TSPEAR: variants seen among roughly 807,000 people sequenced by gnomAD.
TSPEAR encodes thrombospondin type laminin G domain and EAR repeats, also known as thrombospondin-type laminin G domain and EAR repeat-containing protein.
A neutral mutation model predicts 71.6 loss-of-function variants in TSPEAR; 69 were observed. That is an observed-to-expected ratio of 0.96 (90% CI 0.79 to 1.18). The LOEUF (loss-of-function observed/expected upper bound fraction) is 1.18, where lower values mean the gene tolerates loss of function less well. Ranked by LOEUF, TSPEAR falls within the 50% of genes most tolerant of loss-of-function variation. The pLI, the probability that TSPEAR is intolerant of heterozygous loss-of-function variation, is 0.00. For synonymous variants in TSPEAR, 402 were observed against 387.2 expected (o/e 1.04, Z -0.45); for missense variants, 971 against 894.9 (o/e 1.09, Z -1.09).
In TSPEAR at chr21:44,527,498, CGTAGTCCA is replaced by C; in HGVS notation, c.935_942del (p.Leu312ArgfsTer17). 3 of 1,614,196 alleles carry C rather than the reference CGTAGTCCA, an allele frequency of 1.9e-6. No individual in the cohort carries two copies. ...GTGGACAAGTTCTGATGCTCCTCCACGTAGTCCAGTCTTTCTTTGGCTTGTGATAGAAA... is the reference window on the plus strand; with the variant it reads ...GTGGACAAGTTCTGATGCTCCTCCACGTCTTTCTTTGGCTTGTGATAGAAA... On this transcript the variant is annotated frameshift_variant, in exon 7 of 12. Coordinates refer to ENST00000323084, the MANE Select transcript of TSPEAR (RefSeq NM_144991.3). LOFTEE classifies it high-confidence loss of function.
intron 1 of TSPEAR, among the ~76,000 whole-genome samples, chr21:44,675,357 A>G (rs117335876): frequency 0.039 from 6,001 of 152,318 alleles, 130 homozygotes; most frequent in Middle Eastern, 0.085. Flanking sequence ...CAGAAAAAGC[A>G]TTTGACAAAA....
chr21:44,698,266 C>G (rs531524858), intron 1 of TSPEAR, among the ~76,000 whole-genome samples: 1 of 152,222 alleles, frequency 6.6e-6, no homozygotes, highest in Non-Finnish European at 1.5e-5. Flanking sequence ...ACACCCTCCA[C>G]GTAGCCCGGC....
At chr21:44,508,795 C>T in intron 10 of TSPEAR, 1 of 1,321,918 alleles carries the variant, frequency 7.6e-7, no homozygotes, top group Non-Finnish European at 1.0e-6. Context: ...GTAATCATGT[C>T]TGGTGGCAGC....
chr21:44,617,102 G>A (rs1003734402), intron 1 of TSPEAR, among the ~76,000 whole-genome samples: 1 of 152,044 alleles, frequency 6.6e-6, no homozygotes, highest in Admixed American at 6.5e-5. Flanking sequence ...ACCCACTCAT[G>A]CCTCCCCCAG....
intron 2 of TSPEAR, among the ~76,000 whole-genome samples, chr21:44,553,234 G>A (rs1358292769): frequency 6.6e-6 from 1 of 152,180 alleles, no homozygotes; most frequent in Non-Finnish European, 1.5e-5. Flanking sequence ...CAGCAGAGAG[G>A]TTGAGCAATC....
chr21:44,587,270 G>T (rs1397538703), intron 1 of TSPEAR, among the ~76,000 whole-genome samples: 2 of 152,078 alleles, frequency 1.3e-5, no homozygotes, highest in African/African-American at 4.8e-5. Flanking sequence ...ATCAAATCAA[G>T]AACTCAATCC....
chr21:44,625,672 C>A (rs781915816), intron 1 of TSPEAR, among the ~76,000 whole-genome samples: 1 of 152,236 alleles, frequency 6.6e-6, no homozygotes. Context: ...TCCTTGCTCC[C>A]CTTCTCCCTG....
In TSPEAR at chr21:44,623,852, G is replaced by A. The variant is rs2146196564; in HGVS notation, c.83-55847C>T. On this transcript the variant is annotated intron_variant, in intron 1 of 11. Transcript: ENST00000323084. This position sits in a 1 kb window ranked among gnomAD's most constrained non-coding sequence, Gnocchi z 4.5. ...CTTGGCTGTTTTTAAATTTTTCTCTGTCTTTGGATTTCAGCCCCAATATGC... is the reference window on the plus strand; with the variant it reads ...CTTGGCTGTTTTTAAATTTTTCTCTATCTTTGGATTTCAGCCCCAATATGC... Among the ~76,000 whole-genome samples, 1 of 151,574 alleles carries A rather than the reference G, an allele frequency of 6.6e-6. No individual in the cohort carries two copies. The highest frequency in any genetic ancestry group is 2.1e-4 in the South Asian group (1 of 4,788).
chr21:44,681,345 C>T (rs1986576416), intron 1 of TSPEAR, among the ~76,000 whole-genome samples: 1 of 152,176 alleles, frequency 6.6e-6, no homozygotes, highest in South Asian at 2.1e-4. Context: ...GAAGCGAGGC[C>T]ACTCCACCAC....
intron 1 of TSPEAR, among the ~76,000 whole-genome samples, chr21:44,625,403 G>A (rs1302688386): frequency 3.9e-5 from 6 of 152,140 alleles, no homozygotes; most frequent in African/African-American, 1.4e-4. Context: ...GACCAGCTGG[G>A]CAACATAGCA....
rs71199612 is a variant in TSPEAR, at chr21:44,572,834, GACACACACACACACACACAC to G, written c.83-4849_83-4830del. Among the ~76,000 whole-genome samples the G allele has an allele frequency of 8.5e-4, 106 of 124,890 alleles. 1 individual carries two copies. The highest frequency in any genetic ancestry group is 2.9e-3 in the East Asian group (12 of 4,130). 81.9% of individuals were successfully genotyped at this position (124,890 alleles called of 152,430 possible). On this transcript the variant is annotated intron_variant, in intron 1 of 11. Transcript: ENST00000323084. ...TATCCTTATAAAAAGGGGAGATTTG[GACACACACACACACACACAC>G]ACACACACACACACACACACACACA...
intron 2 of TSPEAR, among the ~76,000 whole-genome samples, chr21:44,552,010 G>C (rs150005450): frequency 0.021 from 3,253 of 152,346 alleles, 69 homozygotes; most frequent in South Asian, 0.061. Context: ...GCCAAGAGCA[G>C]GAGGACAGGG....
chr21:44,524,599 C>T (rs1387840951), intron 8 of TSPEAR, among the ~76,000 whole-genome samples: 1 of 150,270 alleles, frequency 6.7e-6, no homozygotes, highest in Non-Finnish European at 1.5e-5. Context: ...AGGTAGTTAG[C>T]CAGTTAGTCA....
intron 6 of TSPEAR, among the ~76,000 whole-genome samples, chr21:44,527,850 A>T (rs1029691277): frequency 1.3e-5 from 2 of 152,156 alleles, no homozygotes; most frequent in Non-Finnish European, 2.9e-5. Context: ...GGCGGAACCC[A>T]TGCCCATTTC....
intron 2 of TSPEAR, among the ~76,000 whole-genome samples, chr21:44,556,641 G>A (rs782352858): frequency 8.5e-5 from 13 of 152,234 alleles, no homozygotes; most frequent in Non-Finnish European, 1.3e-4. Context: ...GCAGTGAGCC[G>A]AGATCGCACC....
intron 1 of TSPEAR, chr21:44,628,026 C>T (rs782031021): frequency 2.7e-5 from 43 of 1,613,306 alleles, no homozygotes; most frequent in Non-Finnish European, 3.5e-5. Flanking sequence ...ACAGCTTCTC[C>T]TCAGGCCAGA....
chr21:44,641,287 T>C (rs782508291), intron 1 of TSPEAR, among the ~76,000 whole-genome samples: 7 of 152,108 alleles, frequency 4.6e-5, no homozygotes, highest in Non-Finnish European at 8.8e-5. Context: ...AACAGGGTGC[T>C]ACCAAAAAGG....
At chr21:44,532,159 G>A (rs1011299214) in intron 3 of TSPEAR, among the ~76,000 whole-genome samples, 1 of 152,222 alleles carries the variant, frequency 6.6e-6, no homozygotes, top group Non-Finnish European at 1.5e-5. Context: ...GCCACAATTG[G>A]TTCCAGGCCT....
intron 9 of TSPEAR, 71 bp downstream of exon 9, chr21:44,521,812 T>C: frequency 5.5e-6 from 8 of 1,443,136 alleles, no homozygotes; most frequent in Non-Finnish European, 7.7e-6. Flanking sequence ...CCACATCACC[T>C]GTCCAGCAGG....
Sources: gnomAD v4.1 joint callset for allele counts (sites outside exome capture counted in the v4.1 genomes callset) on GRCh38, gnomAD v4.1.1 for gene constraint, Gnocchi (gnomAD v3.1) non-coding constraint, MANE v1.5 for transcripts, NCBI Gene and HGNC (gene_info 2026-07-23, HGNC 2026-07-21) for gene names.